The following SLC25A13 variants were observed in gnomAD, a reference collection of about 807,000 sequenced individuals.
The protein encoded by SLC25A13 is solute carrier family 25 member 13, also known as electrogenic aspartate/glutamate antiporter SLC25A13, mitochondrial.
In SLC25A13, 70 loss-of-function variants were observed where a neutral mutation model predicts 85.5. That is an observed-to-expected ratio of 0.82 (90% CI 0.68 to 1.00). The LOEUF is 1.00. SLC25A13 is among the 50% of genes least tolerant of loss of function. The pLI is 0.00. For synonymous variants in SLC25A13, 259 were observed against 288.7 expected (o/e 0.90, Z 1.04); for missense variants, 765 against 819.8 (o/e 0.93, Z 0.82).
chr7:96,277,216 C>G lies in SLC25A13; in HGVS notation c.192G>C (p.Val64=). The G allele has an allele frequency of 1.2e-6, 2 of 1,600,746 alleles. No homozygotes were observed. The highest frequency in any genetic ancestry group is 3.4e-4 in the Middle Eastern group (2 of 5,898). ...CATACCCATCTTTGGTCTGATCCAC[C>G]ACTCCACTTAAAAGTTCCACAGTCT... ...NPKTVELLSG[V]VDQTKDGLIS... is the part of the protein sequence containing the mutation. Residue 64 remains valine, a synonymous_variant, in exon 3 of 18, where the codon GTG becomes GTC. Coordinates refer to ENST00000265631, the MANE Select transcript of SLC25A13 (RefSeq NM_014251.3).
intron 14 of SLC25A13, among the ~76,000 whole-genome samples, chr7:96,142,934 G>T (rs1373588087): frequency 6.6e-6 from 1 of 152,028 alleles, no homozygotes; most frequent in African/African-American, 2.4e-5. Context: ...TTATGTATAT[G>T]GATAAAAATA....
intron 1 of SLC25A13, among the ~76,000 whole-genome samples, chr7:96,303,141 C>T (rs767461255): frequency 9.9e-5 from 15 of 152,104 alleles, no homozygotes; most frequent in Non-Finnish European, 1.8e-4. Context: ...GGACCCGAGG[C>T]CCAACCTCAG....
intron 3 of SLC25A13, among the ~76,000 whole-genome samples, chr7:96,268,034 T>C (rs1798102190): frequency 1.3e-5 from 2 of 152,132 alleles, no homozygotes; most frequent in African/African-American, 2.4e-5. Context: ...TTTGTGACCC[T>C]AGCAAGCCAA....
chr7:96,234,693 C>G (rs1584491956), intron 4 of SLC25A13, 109 bp downstream of exon 4: 1 of 797,728 alleles, frequency 1.3e-6, no homozygotes, highest in East Asian at 2.7e-5. Context: ...GATATACTAT[C>G]TTCTATAAAG....
chr7:96,284,722 A>G (rs1172563171), intron 2 of SLC25A13, among the ~76,000 whole-genome samples: 2 of 152,192 alleles, frequency 1.3e-5, no homozygotes, highest in African/African-American at 4.8e-5. Context: ...GGTTTTATAA[A>G]TGGGAGTTCC....
At chr7:96,182,086 C>T (rs138378480) in intron 11 of SLC25A13, among the ~76,000 whole-genome samples, 1 of 152,210 alleles carries the variant, frequency 6.6e-6, no homozygotes, top group African/African-American at 2.4e-5. Context: ...ACCCAATAAG[C>T]ACTTACAAAT....
intron 1 of SLC25A13, among the ~76,000 whole-genome samples, chr7:96,305,968 T>C (rs1178529668): frequency 6.6e-6 from 1 of 152,186 alleles, no homozygotes; most frequent in Non-Finnish European, 1.5e-5. Context: ...CTCACTTGAG[T>C]GAGCCCTCCT....
chr7:96,307,858 T>C (rs1212750078), intron 1 of SLC25A13, among the ~76,000 whole-genome samples: 1 of 152,048 alleles, frequency 6.6e-6, no homozygotes, highest in African/African-American at 2.4e-5. Flanking sequence ...CATTTAAATC[T>C]GACTCCACTG....
intron 6 of SLC25A13, among the ~76,000 whole-genome samples, chr7:96,192,198 G>A (rs994176475): frequency 6.6e-6 from 1 of 152,100 alleles, no homozygotes; most frequent in African/African-American, 2.4e-5. Flanking sequence ...AAACTGAAAG[G>A]CTACTCTGAG....
intron 7 of SLC25A13, among the ~76,000 whole-genome samples, 156 bp from the exon 8 acceptor site, chr7:96,189,830 G>T (rs1354348209): frequency 6.6e-6 from 1 of 152,136 alleles, no homozygotes. Flanking sequence ...AAGAATTTTT[G>T]CAGTTCTTGC....
At position 96,306,853 on chromosome 7, in the gene SLC25A13, G is replaced by A; in HGVS notation, c.16-9902C>T. ...AGCAGAAGCAGAAAAAGGCAAACGA[G>A]AAGAAGGAGGAACCCAAGTAGCTTT... is the stretch of plus-strand genomic sequence containing the variant. On this transcript the variant is annotated intron_variant, in intron 1 of 17. Transcript: ENST00000265631. 9 of 1,366,260 alleles carry A rather than the reference G, an allele frequency of 6.6e-6. No individual in the cohort carries two copies. In the Admixed American group the frequency reaches 1.5e-4, roughly 23 times the overall value. The allele number at this position is 1,366,260 out of a possible 1,614,324, so 84.6% of individuals were successfully genotyped here.
At chr7:96,198,392 T>C (rs1795140004) in intron 5 of SLC25A13, among the ~76,000 whole-genome samples, 1 of 152,200 alleles carries the variant, frequency 6.6e-6, no homozygotes, top group African/African-American at 2.4e-5. Flanking sequence ...CATTCTGAAC[T>C]AGCCACAGGA....
At chr7:96,204,408 C>T (rs925686182) in intron 5 of SLC25A13, among the ~76,000 whole-genome samples, 1 of 152,126 alleles carries the variant, frequency 6.6e-6, no homozygotes, top group African/African-American at 2.4e-5. Flanking sequence ...GGCACGGTGG[C>T]TCATGCCTGT....
At chr7:96,262,158 A>G (rs924355429) in intron 3 of SLC25A13, among the ~76,000 whole-genome samples, 1 of 152,184 alleles carries the variant, frequency 6.6e-6, no homozygotes, top group Non-Finnish European at 1.5e-5. Context: ...TAATTCTGAC[A>G]GTGGTAAAGA....
chr7:96,255,930 T>C (rs1006068294), intron 3 of SLC25A13, among the ~76,000 whole-genome samples: 1 of 152,098 alleles, frequency 6.6e-6, no homozygotes, highest in South Asian at 2.1e-4. Context: ...TCAACATTCT[T>C]AAAGAAAATA....
chr7:96,203,454 T>A (rs1022210625), intron 5 of SLC25A13, among the ~76,000 whole-genome samples: 2 of 152,292 alleles, frequency 1.3e-5, no homozygotes, highest in South Asian at 2.1e-4. Context: ...AATCCACCTG[T>A]CTAATCTTGA....
intron 4 of SLC25A13, among the ~76,000 whole-genome samples, chr7:96,212,305 C>T (rs1015809463): frequency 6.6e-6 from 1 of 152,168 alleles, no homozygotes; most frequent in Non-Finnish European, 1.5e-5. Context: ...TAGCAACCTT[C>T]TAAGTAGCAC....
chr7:96,315,419 T>C (rs371104500), intron 1 of SLC25A13, among the ~76,000 whole-genome samples: 4 of 152,146 alleles, frequency 2.6e-5, no homozygotes, highest in African/African-American at 7.2e-5. Context: ...TTTATACCAG[T>C]CCAGAAGACT....
chr7:96,125,152 G>A (rs1486394632), intron 15 of SLC25A13, among the ~76,000 whole-genome samples: 2 of 151,884 alleles, frequency 1.3e-5, no homozygotes, highest in South Asian at 2.1e-4. Flanking sequence ...GGCTGCGCAC[G>A]ATCTTGGCTC....
Sources: allele counts gnomAD v4.1 joint callset (sites outside exome capture counted in the v4.1 genomes callset), GRCh38; gene constraint gnomAD v4.1.1; transcripts MANE v1.5; gene names NCBI Gene and HGNC (gene_info 2026-07-23, HGNC 2026-07-21).